RBMS1: variants seen among roughly 807,000 people sequenced by gnomAD.
RBMS1 encodes RNA-binding motif, single-stranded-interacting protein 1.
In RBMS1, 17 loss-of-function variants were observed where a neutral mutation model predicts 62.3. That is an observed-to-expected ratio of 0.27 (90% CI 0.19 to 0.41). The LOEUF (loss-of-function observed/expected upper bound fraction) is 0.41. Among genes scored for constraint, RBMS1 ranks in the 10% least tolerant of loss-of-function variants. RBMS1 has a pLI of 1.00. For synonymous variants in RBMS1, 172 were observed against 170.0 expected (o/e 1.01, Z -0.09); for missense variants, 334 against 504.5 (o/e 0.66, Z 3.24).
At chr2:160,382,640 T>C (rs1011514717) in intron 1 of RBMS1, among the ~76,000 whole-genome samples, 1 of 152,228 alleles carries the variant, frequency 6.6e-6, no homozygotes, top group Non-Finnish European at 1.5e-5. Flanking sequence ...TTGTTATTCA[T>C]TCTTTCCAGG....
At chr2:160,359,659 T>C (rs979194526) in intron 2 of RBMS1, among the ~76,000 whole-genome samples, 1 of 152,212 alleles carries the variant, frequency 6.6e-6, no homozygotes, top group African/African-American at 2.4e-5. Flanking sequence ...AGAGTAAATG[T>C]TGAAGGTAAC....
intron 2 of RBMS1, among the ~76,000 whole-genome samples, chr2:160,344,272 T>C (rs149924481): frequency 1.9e-3 from 291 of 152,262 alleles, no homozygotes; most frequent in African/African-American, 6.8e-3. Flanking sequence ...AAGCAGCAAC[T>C]GGGGGGAACA....
intron 6 of RBMS1, among the ~76,000 whole-genome samples, chr2:160,291,337 T>C (rs1485542847): frequency 6.6e-6 from 1 of 152,156 alleles, no homozygotes; most frequent in African/African-American, 2.4e-5. Flanking sequence ...AGCTTCCCTA[T>C]CCACTGTGGA....
At chr2:160,389,698 C>CAAAAAAA (rs61570926) in intron 1 of RBMS1, among the ~76,000 whole-genome samples, 1 of 50,378 alleles carries the variant, frequency 2.0e-5, no homozygotes, top group African/African-American at 8.7e-5. Flanking sequence ...ACTCTTGTCT[C>CAAAAAAA]AAAAAAAAAA....
At chr2:160,385,907 G>C (rs1417630637) in intron 1 of RBMS1, among the ~76,000 whole-genome samples, 1 of 152,112 alleles carries the variant, frequency 6.6e-6, no homozygotes, top group Non-Finnish European at 1.5e-5. Context: ...CCACTGAAAG[G>C]CTGGGTTTCT....
chr2:160,308,300 G>A (rs1213923551), intron 4 of RBMS1, among the ~76,000 whole-genome samples: 1 of 152,094 alleles, frequency 6.6e-6, no homozygotes, highest in African/African-American at 2.4e-5. Flanking sequence ...GAAGCTGAGG[G>A]TGGAAGGATC....
At chr2:160,468,389 T>C (rs1485760129) in intron 1 of RBMS1, among the ~76,000 whole-genome samples, 1 of 152,218 alleles carries the variant, frequency 6.6e-6, no homozygotes, top group East Asian at 1.9e-4. Context: ...TTTGCCAACA[T>C]GGTTATGGCA....
intron 2 of RBMS1, among the ~76,000 whole-genome samples, chr2:160,319,125 C>A (rs1403206335): frequency 6.6e-6 from 1 of 152,114 alleles, no homozygotes; most frequent in Non-Finnish European, 1.5e-5. Flanking sequence ...CCATAGTGGC[C>A]ATACTATAAG....
In RBMS1 at chr2:160,465,750, C is replaced by T. The variant is rs894646273; in HGVS notation, c.75+27539G>A. On this transcript the variant is annotated intron_variant, in intron 1 of 13. Coordinates refer to ENST00000348849, the MANE Select transcript of RBMS1 (RefSeq NM_016836.4). ...AGCTCATCAGATTACGAAACTGATT[C>T]AGATCATCTAAGCCTATGCTTGGGT... Among the ~76,000 whole-genome samples, 3 of 152,154 alleles carry T rather than the reference C, an allele frequency of 2.0e-5. No individual in the cohort carries two copies. In the South Asian group the frequency reaches 6.2e-4, roughly 32 times the overall value.
At chr2:160,436,511 T>C (rs752788410) in intron 1 of RBMS1, among the ~76,000 whole-genome samples, 1 of 152,246 alleles carries the variant, frequency 6.6e-6, no homozygotes, top group African/African-American at 2.4e-5. Context: ...AGCCACAGAA[T>C]CATGAGAAAT....
chr2:160,480,660 C>T (rs1170242544), intron 1 of RBMS1, among the ~76,000 whole-genome samples: 6 of 151,944 alleles, frequency 3.9e-5, no homozygotes, highest in Non-Finnish European at 8.8e-5. Flanking sequence ...AGTATGATTC[C>T]AGTAAAAATC....
chr2:160,281,776 C>A (rs1688117346), intron 9 of RBMS1: 1 of 178,584 alleles, frequency 5.6e-6, no homozygotes, highest in Admixed American at 5.7e-5. Flanking sequence ...TCCAGCACAT[C>A]TTATTAGAAG....
intron 1 of RBMS1, among the ~76,000 whole-genome samples, chr2:160,455,311 T>C (rs1258473873): frequency 6.6e-6 from 1 of 152,238 alleles, no homozygotes; most frequent in Non-Finnish European, 1.5e-5. Flanking sequence ...CTCCTCTCTG[T>C]TGCGAACAAA....
At chr2:160,285,139 C>A (rs1688309952) in intron 7 of RBMS1, 95 bp from the exon 8 acceptor site, 1 of 1,221,852 alleles carries the variant, frequency 8.2e-7, no homozygotes, top group Non-Finnish European at 1.2e-6. Context: ...CACCTGTAGT[C>A]CCAGCTGCTG....
At chr2:160,359,153 A>G (rs1214025874) in intron 2 of RBMS1, among the ~76,000 whole-genome samples, 1 of 152,182 alleles carries the variant, frequency 6.6e-6, no homozygotes, top group Non-Finnish European at 1.5e-5. Flanking sequence ...AAGATAACAC[A>G]TAAAGGGTAA....
chr2:160,456,298 C>T (rs932261509), intron 1 of RBMS1, among the ~76,000 whole-genome samples: 1 of 152,106 alleles, frequency 6.6e-6, no homozygotes, highest in Non-Finnish European at 1.5e-5. Flanking sequence ...TAGGGTGAGT[C>T]GTCTTTTTCT....
intron 1 of RBMS1, among the ~76,000 whole-genome samples, chr2:160,466,917 T>C (rs577968306): frequency 2.0e-4 from 31 of 152,240 alleles, no homozygotes; most frequent in Non-Finnish European, 4.1e-4. Context: ...TTATGTAAAA[T>C]GGGATGATAA....
At chr2:160,302,531 GAC>G (rs1318480639) in intron 5 of RBMS1, 1 of 150,592 alleles carries the variant, frequency 6.6e-6, no homozygotes, top group Non-Finnish European at 1.5e-5. Flanking sequence ...TTTATTTTAA[GAC>G]AGTCTCGCTC....
At chr2:160,299,984 T>C (rs1454292751) in intron 6 of RBMS1, among the ~76,000 whole-genome samples, 1 of 152,210 alleles carries the variant, frequency 6.6e-6, no homozygotes, top group Non-Finnish European at 1.5e-5. Context: ...AGGTTCAGCA[T>C]TCTGTCATGA....
Sources: allele counts gnomAD v4.1 joint callset (sites outside exome capture counted in the v4.1 genomes callset), GRCh38; gene constraint gnomAD v4.1.1; transcripts MANE v1.5; gene names NCBI Gene and HGNC (gene_info 2026-07-23, HGNC 2026-07-21).